TMEM108: variants seen among roughly 807,000 people sequenced by gnomAD.
The protein encoded by TMEM108 is cancer/testis antigen 124.
In TMEM108, 12 loss-of-function variants were observed where a neutral mutation model predicts 35.1. That is an observed-to-expected ratio of 0.34 (90% CI 0.22 to 0.55). The LOEUF is 0.55. TMEM108 is among the 20% of genes least tolerant of loss of function. The pLI is 0.89. For missense variants in TMEM108, 680 were observed against 753.3 expected, an observed-to-expected ratio of 0.90 and a Z score of 1.14; for synonymous variants, 287 against 308.6, an observed-to-expected ratio of 0.93 and a Z score of 0.73.
At chr3:133,049,493 T>G (rs1943378588) in intron 2 of TMEM108, among the ~76,000 whole-genome samples, 1 of 152,166 alleles carries the variant, frequency 6.6e-6, no homozygotes, top group Non-Finnish European at 1.5e-5. Context: ...GATAGTATGC[T>G]CTTGTTATAA....
intron 5 of TMEM108, among the ~76,000 whole-genome samples, chr3:133,391,771 T>A (rs77112150): frequency 0.056 from 8,539 of 152,250 alleles, 333 homozygotes; most frequent in African/African-American, 0.099. Flanking sequence ...CAGGGCCCAG[T>A]CTAAATGTCA....
intron 3 of TMEM108, among the ~76,000 whole-genome samples, chr3:133,287,370 G>A (rs1947000474): frequency 6.6e-6 from 1 of 152,172 alleles, no homozygotes; most frequent in African/African-American, 2.4e-5. Flanking sequence ...AAAGCACCAT[G>A]GATTAGTCAA....
At chr3:133,341,203 A>G (rs2071651490) in intron 3 of TMEM108, among the ~76,000 whole-genome samples, 1 of 151,856 alleles carries the variant, frequency 6.6e-6, no homozygotes, top group Non-Finnish European at 1.5e-5. Flanking sequence ...TGATAAATTC[A>G]ATAAGTTGCA....
At chr3:133,161,038 G>A (rs369748314) in intron 2 of TMEM108, among the ~76,000 whole-genome samples, 4 of 151,980 alleles carry the variant, frequency 2.6e-5, no homozygotes, top group Admixed American at 1.3e-4. Flanking sequence ...CTATCATATC[G>A]GTTTCTTGCT....
chr3:133,177,052 A>G (rs1945242591), intron 2 of TMEM108, among the ~76,000 whole-genome samples: 1 of 152,182 alleles, frequency 6.6e-6, no homozygotes, highest in Admixed American at 6.5e-5. Flanking sequence ...ACACAAATAA[A>G]CTAGAAAATC....
At chr3:133,164,383 T>C (rs1348190649) in intron 2 of TMEM108, among the ~76,000 whole-genome samples, 1 of 152,138 alleles carries the variant, frequency 6.6e-6, no homozygotes, top group African/African-American at 2.4e-5. Flanking sequence ...GCCTGATAAT[T>C]TGAATAAGTG....
At chr3:133,388,467 GA>G (rs759277688) in intron 4 of TMEM108, 19 of 985,424 alleles carry the variant, frequency 1.9e-5, no homozygotes, top group Non-Finnish European at 2.3e-5. Flanking sequence ...ACCATCTGAA[GA>G]AAGGGTTTTT....
chr3:133,061,194 G>T (rs1042473864), intron 2 of TMEM108, among the ~76,000 whole-genome samples: 1 of 148,906 alleles, frequency 6.7e-6, no homozygotes, highest in Non-Finnish European at 1.5e-5. Context: ...TTGAATGTTT[G>T]TACAATGGGC....
At chr3:133,147,022 T>C (rs1179756384) in intron 2 of TMEM108, among the ~76,000 whole-genome samples, 1 of 152,192 alleles carries the variant, frequency 6.6e-6, no homozygotes, top group African/African-American at 2.4e-5. Flanking sequence ...TCGTTTGCTC[T>C]TGCTTCTCTA....
At chr3:133,092,182 A>G (rs1348581543) in intron 2 of TMEM108, among the ~76,000 whole-genome samples, 1 of 152,216 alleles carries the variant, frequency 6.6e-6, no homozygotes, top group Non-Finnish European at 1.5e-5. Flanking sequence ...CCTTGATTTT[A>G]TAAACAGTTT....
At chr3:133,326,849 T>G (rs571607443) in intron 3 of TMEM108, among the ~76,000 whole-genome samples, 3 of 152,250 alleles carry the variant, frequency 2.0e-5, no homozygotes, top group Non-Finnish European at 4.4e-5. Flanking sequence ...TGAAATAATA[T>G]GTCCACTTAG....
At chr3:133,109,925 A>G (rs1576323469) in intron 2 of TMEM108, among the ~76,000 whole-genome samples, 5 of 152,282 alleles carry the variant, frequency 3.3e-5, no homozygotes, top group Admixed American at 3.3e-4. Flanking sequence ...GTACTTAGGA[A>G]TTGTGATTTG....
intron 2 of TMEM108, among the ~76,000 whole-genome samples, chr3:133,216,762 G>T (rs1185432082): frequency 6.6e-6 from 1 of 152,028 alleles, no homozygotes; most frequent in Non-Finnish European, 1.5e-5. Flanking sequence ...GACAGGAATT[G>T]CTTCTTTTTA....
chr3:133,298,596 T>G (rs1947176955), intron 3 of TMEM108, among the ~76,000 whole-genome samples: 2 of 152,190 alleles, frequency 1.3e-5, no homozygotes, highest in Admixed American at 1.3e-4. Flanking sequence ...GTGCTTCCTG[T>G]GTATCAGGTA....
At chr3:133,063,293 C>G (rs1417651263) in intron 2 of TMEM108, among the ~76,000 whole-genome samples, 1 of 151,972 alleles carries the variant, frequency 6.6e-6, no homozygotes, top group Non-Finnish European at 1.5e-5. Context: ...AACCAGGAAC[C>G]CAGATCTTCC....
intron 2 of TMEM108, among the ~76,000 whole-genome samples, chr3:133,166,464 T>TA (rs1439028557): frequency 6.6e-6 from 1 of 152,256 alleles, no homozygotes; most frequent in Non-Finnish European, 1.5e-5. Context: ...CAGTGAGCGT[T>TA]ACAGTTCTTA....
chr3:133,132,876 A>G (rs1290494063), intron 2 of TMEM108, among the ~76,000 whole-genome samples: 1 of 152,076 alleles, frequency 6.6e-6, no homozygotes, highest in Non-Finnish European at 1.5e-5. Flanking sequence ...TAAGAAGTGG[A>G]TTCCAATCCT....
rs371712804 is a variant in TMEM108, at chr3:133,312,439, G to A, written c.41-67313G>A. 3.5e-4 allele frequency among the ~76,000 whole-genome samples: 54 copies of A among 152,280 alleles called. No homozygotes were observed. In the East Asian group the frequency reaches 9.5e-3, roughly 27 times the overall value. ...TTTACCTACTCAAGCCTCAGCAATG[G>A]CAGACGCCTCTCCCCGCCACAAGGC... On this transcript the variant is annotated intron_variant, in intron 3 of 5. Coordinates refer to ENST00000321871, the MANE Select transcript of TMEM108 (RefSeq NM_023943.4).
intron 2 of TMEM108, among the ~76,000 whole-genome samples, chr3:133,077,117 G>A (rs1276559763): frequency 1.3e-5 from 2 of 152,184 alleles, no homozygotes; most frequent in African/African-American, 2.4e-5. Context: ...GTCTGGCTGA[G>A]CCAGTCAAAG....
Sources: allele counts gnomAD v4.1 joint callset (sites outside exome capture counted in the v4.1 genomes callset), GRCh38; gene constraint gnomAD v4.1.1; transcripts MANE v1.5; gene names NCBI Gene and HGNC (gene_info 2026-07-23, HGNC 2026-07-21).